Variants in OPN4 observed in about 807,000 individuals in gnomAD.
The protein encoded by OPN4 is melanopsin.
Under a neutral mutation model 49.5 loss-of-function variants are expected in OPN4, and 43 were observed. The ratio of observed to expected loss-of-function variants is 0.87; its 90% CI spans 0.68 to 1.12. OPN4 has a LOEUF of 1.12. OPN4 is among the 50% of genes most tolerant of loss of function. OPN4 has a pLI of 0.00. For synonymous variants in OPN4, 263 were observed against 258.0 expected (o/e 1.02, Z -0.19); for missense variants, 657 against 643.9 (o/e 1.02, Z -0.22).
intron 1 of OPN4, 131 bp downstream of exon 1, chr10:86,655,058 T>A: frequency 1.1e-6 from 1 of 929,306 alleles, no homozygotes; most frequent in Non-Finnish European, 1.6e-6. Flanking sequence ...CTTGAGCCAT[T>A]ACTGGACCTC....
Position 86,665,653 on chromosome 10 carries a change from G to T in OPN4, c.1399-60G>T. On this transcript the variant is annotated intron_variant, in intron 9 of 9. Transcript: ENST00000241891. ...GTGACCCAGTGTGTGGAGGGTCATC[G>T]GGAGACTGCCCCCAGTGAACTGCTC... 2.1e-6 allele frequency: 3 copies of T among 1,460,064 alleles called. No individual in the cohort carries two copies. In the South Asian group the frequency reaches 3.5e-5, roughly 17 times the overall value. 90.4% of individuals were successfully genotyped at this position (1,460,064 alleles called of 1,614,324 possible).
rs755360863 is a variant in OPN4, at chr10:86,654,565, G to C, written c.-219G>C. The C allele has an allele frequency of 1.8e-6, 1 of 552,628 alleles. No homozygotes were observed. The highest frequency in any genetic ancestry group is 3.2e-6 in the Non-Finnish European group (1 of 315,022). 34.2% of individuals were successfully genotyped at this position (552,628 alleles called of 1,614,324 possible). A position where few individuals can be genotyped will look rare whatever the true frequency, so the allele number is the denominator to read the frequency against. Reference sequence around the variant, plus strand: ...TGTGGCTGTGAGTCACCATAACTGCGACACTCACTCATTTGCGCTTCACCA... The same window carrying C: ...TGTGGCTGTGAGTCACCATAACTGCCACACTCACTCATTTGCGCTTCACCA... On this transcript the variant is annotated 5_prime_UTR_variant, in exon 1 of 10. Coordinates refer to ENST00000241891, the MANE Select transcript of OPN4 (RefSeq NM_033282.4).
At chr10:86,656,079 C>T (rs1843853619) in intron 1 of OPN4, 76 bp from the exon 2 acceptor site, 1 of 1,595,582 alleles carries the variant, frequency 6.3e-7, no homozygotes, top group Admixed American at 1.7e-5. Context: ...GTTGAGAATC[C>T]TAACTCTTCC....
intron 2 of OPN4, chr10:86,657,309 G>A: frequency 5.3e-6 from 4 of 752,306 alleles, no homozygotes; most frequent in Non-Finnish European, 1.0e-5. Context: ...TCATGAGTGG[G>A]AGCATCTTGT....
In OPN4 at chr10:86,656,383, A is replaced by G. The variant is rs113048320; in HGVS notation, c.290+83A>G. 6.0e-5 allele frequency: 89 copies of G among 1,485,630 alleles called. 1 individual carries two copies. The African/African-American group carries it at 8.5e-4, about 14-fold the overall frequency. 92.0% of individuals were successfully genotyped at this position (1,485,630 alleles called of 1,614,324 possible). ...GAAGAAAATGCAGGCAGGAATGTTGACTCTAGCTCTGGCCAGGGCACTGTT... is the reference window on the plus strand; with the variant it reads ...GAAGAAAATGCAGGCAGGAATGTTGGCTCTAGCTCTGGCCAGGGCACTGTT... On this transcript the variant is annotated intron_variant, in intron 2 of 9. Transcript: ENST00000241891.
At chr10:86,656,435 T>C in intron 2 of OPN4, 135 bp downstream of exon 2, 1 of 1,136,378 alleles carries the variant, frequency 8.8e-7, no homozygotes, top group Non-Finnish European at 1.2e-6. Context: ...GGCAGGGCCA[T>C]GCCTTCGATG....
At chr10:86,657,920 A>G (rs1589586406) in intron 2 of OPN4, 112 bp from the exon 3 acceptor site, 2 of 1,140,408 alleles carry the variant, frequency 1.8e-6, no homozygotes, top group East Asian at 4.8e-5. Context: ...GTGTGTGTGC[A>G]TGTGTAAGTG....
chr10:86,663,610 G>A (rs1844070519), intron 8 of OPN4, 49 bp from the exon 9 acceptor site: 4 of 1,460,226 alleles, frequency 2.7e-6, no homozygotes, highest in Non-Finnish European at 2.7e-6. Context: ...CAGGAGCAAA[G>A]CTACGGACTG....
At chr10:86,662,136 T>C (rs1844021585) in intron 7 of OPN4, 116 bp from the exon 8 acceptor site, 2 of 836,544 alleles carry the variant, frequency 2.4e-6, no homozygotes, top group African/African-American at 3.4e-5. Flanking sequence ...GCCTCCCCAT[T>C]TCCCCAGAGG....
rs908386616 is a variant in OPN4 at position 86,655,047 on chromosome 10, C to A, written c.144+120C>A. On this transcript the variant is annotated intron_variant, in intron 1 of 9. Coordinates refer to ENST00000241891, the MANE Select transcript of OPN4 (RefSeq NM_033282.4). ...AAAAGGTCTGAACTCTGCTGTGGGG[C>A]CTTGAGCCATTACTGGACCTCTCTG... 7.6e-5 allele frequency: 81 copies of A among 1,068,310 alleles called. No individual in the cohort carries two copies. In the Middle Eastern group the frequency reaches 8.9e-4, roughly 12 times the overall value. 66.2% of individuals were successfully genotyped at this position (1,068,310 alleles called of 1,614,324 possible). A position where few individuals can be genotyped will look rare whatever the true frequency, so the allele number is the denominator to read the frequency against.
Position 86,654,781 on chromosome 10 carries a change from A to G in OPN4, c.-3A>G. On this transcript the variant is annotated 5_prime_UTR_variant, in exon 1 of 10. Coordinates refer to ENST00000241891, the MANE Select transcript of OPN4 (RefSeq NM_033282.4). ...GCTCGAGCAAGGACCATCCCAACTC[A>G]GGATGAACCCTCCTTCGGGGCCAAG... The G allele has an allele frequency of 6.2e-7, 1 of 1,609,776 alleles. No homozygotes were observed. Among genetic ancestry groups the G allele is most frequent in the Non-Finnish European group, 8.5e-7 (1 of 1,176,794 alleles).
intron 6 of OPN4, 69 bp from the exon 7 acceptor site, chr10:86,661,212 G>A: frequency 7.7e-7 from 1 of 1,296,986 alleles, no homozygotes; most frequent in Non-Finnish European, 1.1e-6. Context: ...CTTTGGCAGG[G>A]CCTGGCCCAG....
At chr10:86,659,154 C>T (rs1256032598) in intron 4 of OPN4, 143 bp from the exon 5 acceptor site, 7 of 640,398 alleles carry the variant, frequency 1.1e-5, no homozygotes, top group Non-Finnish European at 1.6e-5. Context: ...CCAGTTCCCT[C>T]CAGCTTCCTC....
Position 86,658,140 on chromosome 10 carries a change from T to A in OPN4, c.399T>A (p.Tyr133Ter). 2 of 1,614,118 alleles carry A rather than the reference T, an allele frequency of 1.2e-6. No homozygotes were observed. Among genetic ancestry groups the A allele is most frequent in the Non-Finnish European group, 1.7e-6 (2 of 1,180,008 alleles). The change falls in exon 3 of 10, where the codon TAT (tyrosine) becomes TAA (stop). Residue 133 changes from tyrosine to a stop codon, truncating the protein, a stop_gained. Transcript: ENST00000241891. LOFTEE classifies it high-confidence loss of function. ...QAPVFFTSSL[Y>*]KQWLFGETGC... The stretch of plus-strand genomic sequence containing the variant: ...CTGTCTTCTTCACCAGTAGCCTCTA[T>A]AAGCAGTGGCTCTTTGGGGAGACAG...
rs747404114 is a variant in OPN4 at position 86,661,300 on chromosome 10, C to A, written c.985C>A (p.Pro329Thr). The change falls in exon 7 of 10, where the codon CCC becomes ACC. Residue 329 changes from proline (P) to threonine (T), a missense_variant. Transcript: ENST00000241891. The part of the protein sequence containing the change: ...AFAGYAHVLT[P>T]YMSSVPAVIA... ...TCCTAGGTACGCACACGTCCTGACA[C>A]CCTACATGAGCTCGGTGCCAGCCGT... 3.7e-5 allele frequency: 60 copies of A among 1,613,888 alleles called. No individual in the cohort carries two copies. In the Admixed American group the frequency reaches 6.8e-4, roughly 18 times the overall value.
At chr10:86,655,742 C>A (rs575516539) in intron 1 of OPN4, among the ~76,000 whole-genome samples, 1 of 152,238 alleles carries the variant, frequency 6.6e-6, no homozygotes. Flanking sequence ...ACCACCCCAG[C>A]GTCTAGAGGC....
chr10:86,658,278 G>A, intron 3 of OPN4, 113 bp downstream of exon 3: 4 of 1,402,514 alleles, frequency 2.9e-6, no homozygotes, highest in Non-Finnish European at 2.9e-6. Context: ...GCAGAGAGTG[G>A]GTAGCTGCCC....
Position 86,654,809 on chromosome 10 carries a change from T to TGCCACC in OPN4, c.26_27insGCCACC (p.Pro10_Pro11dup). 1 of 1,554,828 alleles carries TGCCACC rather than the reference T, an allele frequency of 6.4e-7. No individual in the cohort carries two copies. Among genetic ancestry groups the TGCCACC allele is most frequent in the Non-Finnish European group, 8.9e-7 (1 of 1,128,772 alleles). On this transcript the variant is annotated inframe_insertion, in exon 1 of 10. Transcript: ENST00000241891. ...ATGAACCCTCCTTCGGGGCCAAGAG[T>TGCCACC]CCCGCCCAGCCCAACCCAAGAGCCC...
At chr10:86,659,500 A>T in intron 5 of OPN4, 32 bp downstream of exon 5, 6 of 1,607,532 alleles carry the variant, frequency 3.7e-6, no homozygotes, top group Non-Finnish European at 5.1e-6. Flanking sequence ...GGGCTACAGG[A>T]GGGGGACCGG....
Sources: allele counts gnomAD v4.1 joint callset (sites outside exome capture counted in the v4.1 genomes callset), GRCh38; gene constraint gnomAD v4.1.1; transcripts MANE v1.5; gene names NCBI Gene and HGNC (gene_info 2026-07-23, HGNC 2026-07-21).